The following INSIG2 variants were observed in gnomAD, a reference collection of about 807,000 sequenced individuals.
INSIG2 encodes the protein insulin induced gene 2.
A neutral mutation model predicts 27.2 loss-of-function variants in INSIG2; 10 were observed. That is an observed-to-expected ratio of 0.37 (90% CI 0.23 to 0.62). INSIG2 has a LOEUF of 0.62. Among genes scored for constraint, INSIG2 ranks in the 20% least tolerant of loss-of-function variants. The pLI, the probability that INSIG2 is intolerant of heterozygous loss-of-function variation, is 0.65. For synonymous variants in INSIG2, 97 were observed against 95.8 expected (o/e 1.01, Z -0.07); for missense variants, 178 against 270.2 (o/e 0.66, Z 2.39).
chr2:118,090,978 T>C (rs1272603976), intron 1 of INSIG2, among the ~76,000 whole-genome samples: 3 of 152,228 alleles, frequency 2.0e-5, no homozygotes, highest in Non-Finnish European at 4.4e-5. Context: ...AACAGTATCT[T>C]TATACCAGAG....
At position 118,110,438 on chromosome 2, in the gene INSIG2, G is replaced by C. The variant is rs1271588136; in HGVS notation, c.*2116G>C. The C allele has an allele frequency of 3.3e-4, 3 of 9,080 alleles. No individual in the cohort carries two copies. Among genetic ancestry groups the C allele is most frequent in the African/African-American group, 8.6e-4 (3 of 3,480 alleles). The allele number at this position is 9,080 out of a possible 1,614,324, so 0.6% of individuals were successfully genotyped here. On this transcript the variant is annotated 3_prime_UTR_variant, in exon 6 of 6. Coordinates refer to ENST00000245787, the MANE Select transcript of INSIG2 (RefSeq NM_016133.4). ...CTATCTTCATGCTGAGTAGTAGGCT[G>C]AGGAGGAGGAGGAGGAGGGGTTGGT... is the stretch of plus-strand genomic sequence containing the variant.
rs1254216012 is a variant in INSIG2, at chr2:118,108,277, G to A, written c.637-4G>A. Reference sequence around the variant, plus strand: ...TTAACCTTTTAACCTTTTAATTTTTGCAGTACGAATGTAAAGTTATCGCAG... The same window carrying A: ...TTAACCTTTTAACCTTTTAATTTTTACAGTACGAATGTAAAGTTATCGCAG... On this transcript the variant is annotated splice_polypyrimidine_tract_variant and splice_region_variant and intron_variant, in intron 5 of 5. Coordinates refer to ENST00000245787, the MANE Select transcript of INSIG2 (RefSeq NM_016133.4). 6.3e-7 allele frequency: 1 copy of A among 1,582,616 alleles called. No individual in the cohort carries two copies. Among genetic ancestry groups the A allele is most frequent in the Non-Finnish European group, 8.6e-7 (1 of 1,162,862 alleles).
At chr2:118,108,213 T>C (rs1320715712) in intron 5 of INSIG2, 68 bp from the exon 6 acceptor site, 3 of 1,029,202 alleles carry the variant, frequency 2.9e-6, no homozygotes, top group African/African-American at 1.7e-5. Context: ...AGCTTTTCAG[T>C]TTATTTGGAA....
At chr2:118,090,475 A>C (rs1428682010) in intron 1 of INSIG2, among the ~76,000 whole-genome samples, 4 of 152,242 alleles carry the variant, frequency 2.6e-5, no homozygotes, top group African/African-American at 9.6e-5. Flanking sequence ...TTTTAACCTG[A>C]AAGTAATAAT....
At chr2:118,098,665 A>G (rs943963525) in intron 2 of INSIG2, among the ~76,000 whole-genome samples, 1 of 152,224 alleles carries the variant, frequency 6.6e-6, no homozygotes, top group Non-Finnish European at 1.5e-5. Context: ...GAAGAGTAAC[A>G]GGGCTGCACC....
chr2:118,097,978 C>A (rs568892097), intron 2 of INSIG2, among the ~76,000 whole-genome samples: 3 of 152,280 alleles, frequency 2.0e-5, no homozygotes, highest in South Asian at 2.1e-4. Flanking sequence ...TGATGTCTCA[C>A]TATTACATCG....
chr2:118,094,107 G>T lies in INSIG2; in HGVS notation c.-138-2312G>T, dbSNP rs377336990. 1.8e-3 allele frequency among the ~76,000 whole-genome samples: 75 copies of T among 40,854 alleles called. 1 individual carries two copies. Among genetic ancestry groups the T allele is most frequent in the African/African-American group, 2.5e-3 (33 of 13,112 alleles). The allele number at this position is 40,854 out of a possible 152,430, so 26.8% of individuals were successfully genotyped here. A position where few individuals can be genotyped will look rare whatever the true frequency, so the allele number is the denominator to read the frequency against. On this transcript the variant is annotated intron_variant, in intron 1 of 5. Transcript: ENST00000245787. ...AGCAACCAGATGATGATGATGATGA[G>T]GAGGAGGAGGAGGAGGAGGAGAGTT...
intron 2 of INSIG2, among the ~76,000 whole-genome samples, chr2:118,098,333 T>C (rs1419208880): frequency 2.6e-5 from 4 of 152,196 alleles, no homozygotes; most frequent in African/African-American, 4.8e-5. Flanking sequence ...GTACATCCTG[T>C]AATCCCAGGG....
intron 3 of INSIG2, among the ~76,000 whole-genome samples, chr2:118,106,060 A>G (rs984644773): frequency 1.3e-5 from 2 of 152,346 alleles, no homozygotes; most frequent in South Asian, 2.1e-4. Flanking sequence ...AAACTGTCCT[A>G]TACCAGAAAG....
chr2:118,103,158 C>T, intron 2 of INSIG2, 39 bp from the exon 3 acceptor site: 1 of 1,583,318 alleles, frequency 6.3e-7, no homozygotes, highest in Non-Finnish European at 8.6e-7. Context: ...GCCAGTACAA[C>T]ATTGGAGGTA....
At chr2:118,105,367 T>C (rs1022563459) in intron 3 of INSIG2, among the ~76,000 whole-genome samples, 2 of 152,290 alleles carry the variant, frequency 1.3e-5, no homozygotes, top group African/African-American at 2.4e-5. Context: ...AAGATTGATA[T>C]ATCTATTTAC....
chr2:118,110,935 A>T lies in INSIG2; in HGVS notation c.*2613A>T, dbSNP rs2104546167. On this transcript the variant is annotated 3_prime_UTR_variant, in exon 6 of 6. Transcript: ENST00000245787. ...TCTCAATGATGCATATGTTTCATACATCTTGTATTTTCCAGGTAGAAGTCA... is the reference window on the plus strand; with the variant it reads ...TCTCAATGATGCATATGTTTCATACTTCTTGTATTTTCCAGGTAGAAGTCA... The T allele has an allele frequency of 6.6e-6, 1 of 152,330 alleles. No individual in the cohort carries two copies. The highest frequency in any genetic ancestry group is 1.9e-4 in the East Asian group (1 of 5,186). 9.4% of individuals were successfully genotyped at this position (152,330 alleles called of 1,614,324 possible).
At chr2:118,091,624 TA>T (rs955891497) in intron 1 of INSIG2, among the ~76,000 whole-genome samples, 6 of 151,654 alleles carry the variant, frequency 4.0e-5, no homozygotes, top group Admixed American at 2.6e-4. Flanking sequence ...TGCTATTTCT[TA>T]AAGCTTTTAT....
chr2:118,093,020 AGGAGGAGGAGGAGGAGG>A (rs1363473133), intron 1 of INSIG2, among the ~76,000 whole-genome samples: 1 of 142,268 alleles, frequency 7.0e-6, no homozygotes, highest in African/African-American at 2.7e-5. Flanking sequence ...GATGATGAGG[AGGAGGAGGAGGAGGAGG>A]AGGAGAGTTC....
At chr2:118,090,227 A>G (rs2216825) in intron 1 of INSIG2, among the ~76,000 whole-genome samples, 151,762 of 152,344 alleles carry the variant, frequency 1, 75,592 homozygotes, top group Middle Eastern at 1. Context: ...CACCTGAAGA[A>G]ACAGGGTTAT....
In INSIG2 at chr2:118,108,665, T is replaced by C. The variant is rs1346491721; in HGVS notation, c.*343T>C. On this transcript the variant is annotated 3_prime_UTR_variant, in exon 6 of 6. Coordinates refer to ENST00000245787, the MANE Select transcript of INSIG2 (RefSeq NM_016133.4). ...TCACAATGTTAATGTGCCAAGATAT[T>C]GTTCCTGTCATGCAGAGTATAAGAA... is the stretch of plus-strand genomic sequence containing the variant. The C allele has an allele frequency of 1.7e-5, 3 of 174,758 alleles. No homozygotes were observed. The highest frequency in any genetic ancestry group is 7.1e-5 in the African/African-American group (3 of 42,060). The allele number at this position is 174,758 out of a possible 1,614,324, so 10.8% of individuals were successfully genotyped here.
chr2:118,094,173 T>G (rs1678348979), intron 1 of INSIG2, among the ~76,000 whole-genome samples: 1 of 146,254 alleles, frequency 6.8e-6, no homozygotes, highest in African/African-American at 2.6e-5. Flanking sequence ...CAGATGATGA[T>G]GATGATGAGG....
chr2:118,100,782 C>T (rs1334838568), intron 2 of INSIG2, among the ~76,000 whole-genome samples: 1 of 152,166 alleles, frequency 6.6e-6, no homozygotes, highest in Non-Finnish European at 1.5e-5. Context: ...TCGAAGTATA[C>T]CTCATGGAGT....
Position 118,096,391 on chromosome 2 carries a change from T to G in INSIG2, c.-138-28T>G, listed in dbSNP as rs890140242. On this transcript the variant is annotated intron_variant, in intron 1 of 5. Transcript: ENST00000245787. ...ACAATAATCATGTATTAGATACACATTAATTTCTTTTTTCTTATCTCTTGC... is the reference window on the plus strand; with the variant it reads ...ACAATAATCATGTATTAGATACACAGTAATTTCTTTTTTCTTATCTCTTGC... 8.4e-6 allele frequency: 5 copies of G among 596,978 alleles called. No homozygotes were observed. In the African/African-American group the frequency reaches 9.3e-5, roughly 11 times the overall value. 37.0% of individuals were successfully genotyped at this position (596,978 alleles called of 1,614,324 possible).
Sources: gnomAD v4.1 joint callset for allele counts (sites outside exome capture counted in the v4.1 genomes callset) on GRCh38, gnomAD v4.1.1 for gene constraint, MANE v1.5 for transcripts, NCBI Gene and HGNC (gene_info 2026-07-23, HGNC 2026-07-21) for gene names.